AP3S1: variants seen among roughly 807,000 people sequenced by gnomAD.
AP3S1 encodes the protein adaptor related protein complex 3 subunit sigma 1.
A neutral mutation model predicts 21.3 loss-of-function variants in AP3S1; 12 were observed. That is an observed-to-expected ratio of 0.56 (90% CI 0.36 to 0.91). The LOEUF is 0.91. Among genes scored for constraint, AP3S1 ranks in the 40% least tolerant of loss-of-function variants. The probability of loss-of-function intolerance (pLI) is 0.01; values close to 1 mark genes in which losing one functional copy is unlikely to be tolerated. For missense variants in AP3S1, 116 were observed against 225.0 expected (o/e 0.52, Z 3.10); for synonymous variants, 48 against 78.4 (o/e 0.61, Z 2.05).
At chr5:115,856,682 CAGGCTGGT>C (rs1762825797) in intron 1 of AP3S1, among the ~76,000 whole-genome samples, 1 of 152,118 alleles carries the variant, frequency 6.6e-6, no homozygotes, top group Admixed American at 6.5e-5. Context: ...CTTTGTAGCC[CAGGCTGGT>C]ATGAAATTCC....
At chr5:115,842,145 T>A (rs1761620680) in intron 1 of AP3S1, 39 bp downstream of exon 1, 3 of 1,525,356 alleles carry the variant, frequency 2.0e-6, no homozygotes, top group Non-Finnish European at 2.6e-6. Flanking sequence ...CGAGGGGGAG[T>A]CGTTGGCGAC....
intron 3 of AP3S1, among the ~76,000 whole-genome samples, chr5:115,879,623 C>T (rs1338359553): frequency 6.6e-6 from 1 of 152,168 alleles, no homozygotes. Flanking sequence ...AGGATTTTCG[C>T]ATCAATGTTC....
At chr5:115,847,341 G>C (rs1580606308) in intron 1 of AP3S1, among the ~76,000 whole-genome samples, 2 of 152,156 alleles carry the variant, frequency 1.3e-5, no homozygotes, top group East Asian at 3.9e-4. Flanking sequence ...TTTATGGCCG[G>C]GTACAGTGGC....
chr5:115,858,362 A>C (rs1762939472), intron 1 of AP3S1, among the ~76,000 whole-genome samples: 1 of 152,100 alleles, frequency 6.6e-6, no homozygotes, highest in South Asian at 2.1e-4. Flanking sequence ...TTTAGTTTCC[A>C]GTGTTGCTAT....
chr5:115,885,474 A>AC (rs1247740107), intron 3 of AP3S1, among the ~76,000 whole-genome samples: 1 of 152,222 alleles, frequency 6.6e-6, no homozygotes, highest in African/African-American at 2.4e-5. Flanking sequence ...GGCAGGAGGA[A>AC]CCAAAGGAAG....
intron 3 of AP3S1, among the ~76,000 whole-genome samples, chr5:115,893,351 C>T (rs1750481020): frequency 6.6e-6 from 1 of 152,046 alleles, no homozygotes; most frequent in African/African-American, 2.4e-5. Context: ...CATTGTACAA[C>T]AAGAAAAGGA....
chr5:115,876,373 C>A (rs778340091), intron 3 of AP3S1, among the ~76,000 whole-genome samples: 1 of 152,048 alleles, frequency 6.6e-6, no homozygotes, highest in Non-Finnish European at 1.5e-5. Context: ...TATTTTCTTC[C>A]CTTCAATGTA....
chr5:115,904,749 C>G (rs1751496534), intron 5 of AP3S1, among the ~76,000 whole-genome samples: 1 of 152,102 alleles, frequency 6.6e-6, no homozygotes, highest in South Asian at 2.1e-4. Context: ...AAACCCTGAG[C>G]TATTGCTTTT....
chr5:115,864,211 A>G (rs559395208), intron 1 of AP3S1, among the ~76,000 whole-genome samples: 42 of 152,336 alleles, frequency 2.8e-4, no homozygotes, highest in African/African-American at 9.9e-4. Context: ...TCTTGGTTCT[A>G]TAAGAAGGAG....
intron 1 of AP3S1, chr5:115,853,085 C>T (rs947694822): frequency 5.9e-5 from 26 of 437,712 alleles, no homozygotes; most frequent in African/African-American, 4.9e-4. Flanking sequence ...TTTTACATTC[C>T]CACCAACAAT....
chr5:115,886,245 A>G (rs922782710), intron 3 of AP3S1, among the ~76,000 whole-genome samples: 7 of 152,140 alleles, frequency 4.6e-5, no homozygotes, highest in African/African-American at 1.7e-4. Context: ...TGTAGAGTTG[A>G]CTCTTGAACA....
intron 1 of AP3S1, among the ~76,000 whole-genome samples, chr5:115,861,468 C>T (rs1404505468): frequency 6.6e-6 from 1 of 152,148 alleles, no homozygotes; most frequent in Non-Finnish European, 1.5e-5. Flanking sequence ...ACGGCTTGCA[C>T]ATCTTTGGTT....
chr5:115,909,197 GT>G (rs1751904751), intron 5 of AP3S1, among the ~76,000 whole-genome samples: 1 of 152,060 alleles, frequency 6.6e-6, no homozygotes, highest in South Asian at 2.1e-4. Flanking sequence ...AAAGTTGATT[GT>G]TTATTGCATG....
chr5:115,871,268 T>C (rs1748218407), intron 3 of AP3S1, among the ~76,000 whole-genome samples: 1 of 152,218 alleles, frequency 6.6e-6, no homozygotes, highest in African/African-American at 2.4e-5. Flanking sequence ...CCATCTAAAA[T>C]TGTCTCCTAA....
chr5:115,883,006 G>A (rs1201614047), intron 3 of AP3S1, among the ~76,000 whole-genome samples: 1 of 152,208 alleles, frequency 6.6e-6, no homozygotes, highest in African/African-American at 2.4e-5. Context: ...ACTGTGAGGG[G>A]TAAACCGCCT....
chr5:115,864,839 T>C (rs1464562138), intron 1 of AP3S1, among the ~76,000 whole-genome samples: 1 of 152,174 alleles, frequency 6.6e-6, no homozygotes, highest in African/African-American at 2.4e-5. Context: ...GATAAGGAAG[T>C]AGACTTAGAA....
chr5:115,867,480 A>C (rs561608720), intron 2 of AP3S1, among the ~76,000 whole-genome samples: 1 of 152,198 alleles, frequency 6.6e-6, no homozygotes, highest in Admixed American at 6.5e-5. Context: ...AACATAAATC[A>C]GTCAGAGAAA....
At chr5:115,869,911 C>A (rs1210629328) in intron 2 of AP3S1, 106 bp from the exon 3 acceptor site, 4 of 626,144 alleles carry the variant, frequency 6.4e-6, no homozygotes, top group African/African-American at 5.7e-5. Flanking sequence ...TTGAATGTCA[C>A]CTTTCATTTG....
chr5:115,887,199 AT>A (rs1561509542), intron 3 of AP3S1, among the ~76,000 whole-genome samples: 1 of 152,088 alleles, frequency 6.6e-6, no homozygotes. Flanking sequence ...TTGTAATGGT[AT>A]TTTTTAGTTA....
Sources: allele counts gnomAD v4.1 joint callset (sites outside exome capture counted in the v4.1 genomes callset), GRCh38; gene constraint gnomAD v4.1.1; transcripts MANE v1.5; gene names NCBI Gene and HGNC (gene_info 2026-07-23, HGNC 2026-07-21).